AGBL4: variants seen among roughly 807,000 people sequenced by gnomAD.
The protein encoded by AGBL4 is AGBL carboxypeptidase 4.
A neutral mutation model predicts 66.4 loss-of-function variants in AGBL4; 58 were observed. The observed-to-expected ratio is 0.87, with a 90% confidence interval of 0.71 to 1.09. AGBL4 has a LOEUF of 1.09. AGBL4 is among the 50% of genes least tolerant of loss of function. The pLI, the probability that AGBL4 is intolerant of heterozygous loss-of-function variation, is 0.00. For missense variants in AGBL4, 579 were observed against 631.0 expected, an observed-to-expected ratio of 0.92 and a Z score of 0.88; for synonymous variants, 234 against 222.9, an observed-to-expected ratio of 1.05 and a Z score of -0.44.
intron 9 of AGBL4, among the ~76,000 whole-genome samples, chr1:48,615,915 G>T (rs567514433): frequency 6.6e-6 from 1 of 152,266 alleles, no homozygotes; most frequent in South Asian, 2.1e-4. Flanking sequence ...TCCATGATGG[G>T]GCCTTGAAAG....
intron 4 of AGBL4, among the ~76,000 whole-genome samples, chr1:49,071,478 T>TC (rs1221163606): frequency 1.3e-5 from 2 of 152,022 alleles, no homozygotes; most frequent in Non-Finnish European, 2.9e-5. Context: ...GACATCTTTA[T>TC]TTCTGCCTTC....
At chr1:49,284,771 A>G (rs1570335995) in intron 3 of AGBL4, among the ~76,000 whole-genome samples, 1 of 151,786 alleles carries the variant, frequency 6.6e-6, no homozygotes, top group East Asian at 1.9e-4. Context: ...CAAAAGAGAC[A>G]AAGAAGGCCA....
At chr1:49,996,935 GC>G (rs1024442647) in intron 1 of AGBL4, among the ~76,000 whole-genome samples, 2 of 152,132 alleles carry the variant, frequency 1.3e-5, no homozygotes, top group African/African-American at 4.8e-5. Context: ...GCAATTATCA[GC>G]CAAAAATTTT....
chr1:49,601,060 AT>A (rs1429017963), intron 3 of AGBL4, among the ~76,000 whole-genome samples: 1 of 151,768 alleles, frequency 6.6e-6, no homozygotes, highest in African/African-American at 2.4e-5. Context: ...TGCCCTTAAC[AT>A]TTTTTCCTTC....
intron 3 of AGBL4, among the ~76,000 whole-genome samples, chr1:49,339,615 A>G (rs1430964304): frequency 6.6e-6 from 1 of 152,232 alleles, no homozygotes; most frequent in South Asian, 2.1e-4. Flanking sequence ...GCTCATCAAG[A>G]TCATTTAGTG....
intron 6 of AGBL4, among the ~76,000 whole-genome samples, chr1:48,866,735 A>G (rs1358314399): frequency 1.3e-5 from 2 of 152,080 alleles, no homozygotes; most frequent in African/African-American, 2.4e-5. Context: ...GAGAGACAAA[A>G]GTTATCTTGA....
chr1:49,908,985 C>G (rs1650552942), intron 1 of AGBL4, among the ~76,000 whole-genome samples: 2 of 151,944 alleles, frequency 1.3e-5, no homozygotes, highest in African/African-American at 4.8e-5. Flanking sequence ...CATACTGAAC[C>G]CTATCTAAGA....
At chr1:49,385,414 G>A (rs1044672853) in intron 3 of AGBL4, among the ~76,000 whole-genome samples, 1 of 151,692 alleles carries the variant, frequency 6.6e-6, no homozygotes, top group South Asian at 2.1e-4. Context: ...GATGTATCTA[G>A]GATGGTGAGA....
chr1:49,603,425 T>G (rs2124178394), intron 3 of AGBL4, among the ~76,000 whole-genome samples: 1 of 152,080 alleles, frequency 6.6e-6, no homozygotes, highest in Admixed American at 6.6e-5. Context: ...CTCAGGAGGC[T>G]GAGGCAGGAG....
At position 49,413,398 on chromosome 1, in the gene AGBL4, T is replaced by A. The variant is rs140331599; in HGVS notation, c.283-167534A>T. 2.5e-3 allele frequency among the ~76,000 whole-genome samples: 374 copies of A among 152,270 alleles called. 8 individuals are homozygous for A. The highest frequency in any genetic ancestry group is 3.5e-3 in the Non-Finnish European group (236 of 68,026). The stretch of plus-strand genomic sequence containing the variant: ...GGATAAGAAGGCATTAAACAAATAA[T>A]CATACAAACAAAAGTAAAATTGCAT... On this transcript the variant is annotated intron_variant, in intron 3 of 13. Coordinates refer to ENST00000371839, the MANE Select transcript of AGBL4 (RefSeq NM_032785.4).
chr1:48,978,628 C>T (rs977485568), intron 5 of AGBL4, among the ~76,000 whole-genome samples: 2 of 152,174 alleles, frequency 1.3e-5, no homozygotes, highest in African/African-American at 4.8e-5. Flanking sequence ...ATAACAGCTT[C>T]CTGCAATTGT....
Position 49,866,260 on chromosome 1 carries a change from CCCAGTAAGATATT to C in AGBL4, c.35-14755_35-14743del, listed in dbSNP as rs1263382818. ...TTCAAATTCAGAAAATACAGGGAGC[CCCAGTAAGATATT>C]CCATGAGAAGATCAATCCCAAGACA... is the stretch of plus-strand genomic sequence containing the variant. On this transcript the variant is annotated intron_variant, in intron 1 of 13. Coordinates refer to ENST00000371839, the MANE Select transcript of AGBL4 (RefSeq NM_032785.4). Among the ~76,000 whole-genome samples, 6 of 152,002 alleles carry C rather than the reference CCCAGTAAGATATT, an allele frequency of 3.9e-5. No individual in the cohort carries two copies. In the East Asian group the frequency reaches 1.2e-3, roughly 29 times the overall value.
At chr1:49,274,372 A>C (rs984404833) in intron 3 of AGBL4, among the ~76,000 whole-genome samples, 22 of 152,258 alleles carry the variant, frequency 1.4e-4, no homozygotes, top group Admixed American at 6.5e-4. Context: ...ATGATATTTA[A>C]CTTTTTTTGA....
chr1:49,150,565 T>C (rs1231428844), intron 4 of AGBL4, among the ~76,000 whole-genome samples: 1 of 152,214 alleles, frequency 6.6e-6, no homozygotes, highest in Admixed American at 6.5e-5. Flanking sequence ...CAATAAAATG[T>C]ACTATTTTCA....
At chr1:49,871,047 G>T (rs1646826490) in intron 1 of AGBL4, among the ~76,000 whole-genome samples, 1 of 152,028 alleles carries the variant, frequency 6.6e-6, no homozygotes, top group South Asian at 2.1e-4. Flanking sequence ...GACTATCATG[G>T]AAGAGGCGGG....
At chr1:49,844,944 T>G in intron 2 of AGBL4, 1 of 1,361,172 alleles carries the variant, frequency 7.3e-7, no homozygotes. Flanking sequence ...AAAACAGAAG[T>G]CTGAACCCTG....
intron 1 of AGBL4, among the ~76,000 whole-genome samples, chr1:49,884,521 T>C (rs1440021201): frequency 6.6e-6 from 1 of 151,882 alleles, no homozygotes; most frequent in Non-Finnish European, 1.5e-5. Context: ...ATGAAGAATA[T>C]CTTGGTGAAA....
intron 2 of AGBL4, among the ~76,000 whole-genome samples, chr1:49,745,358 C>T (rs940422619): frequency 7.2e-5 from 11 of 151,988 alleles, no homozygotes; most frequent in African/African-American, 2.7e-4. Context: ...ACCACAATCA[C>T]ACAACTTTTA....
chr1:49,085,459 A>T (rs2147966647), intron 4 of AGBL4, among the ~76,000 whole-genome samples: 1 of 152,050 alleles, frequency 6.6e-6, no homozygotes, highest in East Asian at 1.9e-4. Flanking sequence ...GACTTCTTGG[A>T]CTTCACAATC....
Sources: gnomAD v4.1 joint callset for allele counts (sites outside exome capture counted in the v4.1 genomes callset) on GRCh38, gnomAD v4.1.1 for gene constraint, MANE v1.5 for transcripts, NCBI Gene and HGNC (gene_info 2026-07-23, HGNC 2026-07-21) for gene names.